Variants in TTC39B observed in about 807,000 individuals in gnomAD.
The protein encoded by TTC39B is tetratricopeptide repeat domain 39B.
Under a neutral mutation model 96.6 loss-of-function variants are expected in TTC39B, and 92 were observed. That is an observed-to-expected ratio of 0.95 (90% CI 0.80 to 1.13). The LOEUF is 1.13. Ranked by LOEUF, TTC39B falls within the 50% of genes most tolerant of loss-of-function variation. The probability of loss-of-function intolerance (pLI) is 0.00; values close to 1 mark genes in which losing one functional copy is unlikely to be tolerated. For missense variants in TTC39B, 955 were observed against 809.3 expected (o/e 1.18, Z -2.18); for synonymous variants, 367 against 299.4 (o/e 1.23, Z -2.33).
At chr9:15,280,616 T>C (rs963705495) in intron 1 of TTC39B, among the ~76,000 whole-genome samples, 5 of 152,186 alleles carry the variant, frequency 3.3e-5, no homozygotes, top group African/African-American at 1.2e-4. Context: ...GTGATGATGA[T>C]ACCCCGCTTT....
In TTC39B at chr9:15,306,971, G is replaced by C; in HGVS notation, c.240+113C>G. The C allele has an allele frequency of 6.7e-7, 1 of 1,482,704 alleles. No homozygotes were observed. Among genetic ancestry groups the C allele is most frequent in the African/African-American group, 1.4e-5 (1 of 70,396 alleles). The allele number at this position is 1,482,704 out of a possible 1,614,324, so 91.8% of individuals were successfully genotyped here. A position where few individuals can be genotyped will look rare whatever the true frequency, so the allele number is the denominator to read the frequency against. ...ACCCGGCGCCCGCCAGCCCACCCCA[G>C]AGAGGGGACCAAGGGGGCGGGGCCT... is the stretch of plus-strand genomic sequence containing the variant. On this transcript the variant is annotated intron_variant, in intron 1 of 19. Transcript: ENST00000512701. This position sits in a 1 kb window ranked among gnomAD's most constrained non-coding sequence, Gnocchi z 5.1.
intron 3 of TTC39B, among the ~76,000 whole-genome samples, chr9:15,221,138 T>C (rs912842822): frequency 2.6e-5 from 4 of 152,164 alleles, no homozygotes; most frequent in Non-Finnish European, 5.9e-5. Flanking sequence ...ACTCTGCAGA[T>C]ACCCCGTTTC....
At chr9:15,301,142 A>G (rs1027891362) in intron 1 of TTC39B, among the ~76,000 whole-genome samples, 5 of 152,158 alleles carry the variant, frequency 3.3e-5, no homozygotes, top group Admixed American at 3.3e-4. Flanking sequence ...ACCTAGTTCA[A>G]ATACCATCTC....
rs376568277 is a variant in TTC39B at position 15,189,832 on chromosome 9, A to T, written c.1106-40T>A. ...GGAAAAGACTCAGTCTTCATAAGAC[A>T]TGGGGATATTTATAACCAGCTCTCC... is the stretch of plus-strand genomic sequence containing the variant. On this transcript the variant is annotated intron_variant, in intron 11 of 19. Coordinates refer to ENST00000512701, the Ensembl canonical transcript of TTC39B. 2.3e-5 allele frequency: 32 copies of T among 1,407,482 alleles called. No homozygotes were observed. The South Asian group carries it at 3.6e-4, about 16-fold the overall frequency. 87.2% of individuals were successfully genotyped at this position (1,407,482 alleles called of 1,614,324 possible). A position where few individuals can be genotyped will look rare whatever the true frequency, so the allele number is the denominator to read the frequency against.
At chr9:15,302,539 CAAAAAAA>C (rs145173046) in intron 1 of TTC39B, among the ~76,000 whole-genome samples, 1 of 46,760 alleles carries the variant, frequency 2.1e-5, no homozygotes, top group African/African-American at 9.8e-5. Context: ...GATTCCGTCT[CAAAAAAA>C]AAAAAAAAAA....
chr9:15,233,405 A>G (rs1821548139), intron 2 of TTC39B, among the ~76,000 whole-genome samples: 1 of 151,952 alleles, frequency 6.6e-6, no homozygotes, highest in South Asian at 2.1e-4. Context: ...TCTGATGCCG[A>G]GCCGAAGCTG....
At chr9:15,282,869 G>T (rs980477349) in intron 1 of TTC39B, among the ~76,000 whole-genome samples, 1 of 152,172 alleles carries the variant, frequency 6.6e-6, no homozygotes, top group African/African-American at 2.4e-5. Flanking sequence ...TCTCATTAAA[G>T]CTTTTAAAAT....
intron 1 of TTC39B, among the ~76,000 whole-genome samples, chr9:15,299,118 T>C (rs980151034): frequency 6.6e-6 from 1 of 152,102 alleles, no homozygotes; most frequent in Non-Finnish European, 1.5e-5. Context: ...CACTAGACCA[T>C]AACCTGAGGC....
intron 1 of TTC39B, among the ~76,000 whole-genome samples, chr9:15,300,690 A>G (rs1824551676): frequency 6.6e-6 from 1 of 152,160 alleles, no homozygotes; most frequent in Non-Finnish European, 1.5e-5. Flanking sequence ...GTTCGAAAGC[A>G]GCCTGGCCAA....
intron 2 of TTC39B, chr9:15,250,016 A>G (rs918760146): frequency 1.2e-5 from 15 of 1,288,418 alleles, no homozygotes; most frequent in African/African-American, 3.0e-5. Flanking sequence ...GCCAACTAAA[A>G]GAAGAGACAA....
chr9:15,272,401 C>G (rs868833844), intron 1 of TTC39B, among the ~76,000 whole-genome samples: 1 of 152,318 alleles, frequency 6.6e-6, no homozygotes, highest in Middle Eastern at 3.4e-3. Flanking sequence ...CACGCACACT[C>G]AGAGGAGCAT....
chr9:15,247,315 G>A (rs1009754627), intron 2 of TTC39B, among the ~76,000 whole-genome samples: 4 of 152,174 alleles, frequency 2.6e-5, no homozygotes, highest in Admixed American at 6.5e-5. Context: ...GTTCATCTTC[G>A]ATAAGGAAGA....
chr9:15,208,305 G>A (rs1050382745), intron 6 of TTC39B, among the ~76,000 whole-genome samples: 1 of 151,902 alleles, frequency 6.6e-6, no homozygotes, highest in Non-Finnish European at 1.5e-5. Context: ...TTACAGGTGT[G>A]AGCCACCACA....
chr9:15,184,020 A>C (rs1223862511), intron 16 of TTC39B, among the ~76,000 whole-genome samples: 1 of 152,182 alleles, frequency 6.6e-6, no homozygotes, highest in Non-Finnish European at 1.5e-5. Context: ...TTCTCATAGA[A>C]TGTATAAAAG....
intron 2 of TTC39B, among the ~76,000 whole-genome samples, chr9:15,260,275 G>T (rs1586971926): frequency 8.1e-6 from 1 of 123,810 alleles, no homozygotes. Flanking sequence ...ATTCCTCATT[G>T]TGTTTTTTTT....
At chr9:15,225,164 C>A (rs904231241) in intron 3 of TTC39B, among the ~76,000 whole-genome samples, 1 of 151,782 alleles carries the variant, frequency 6.6e-6, no homozygotes. Flanking sequence ...AAGTATGATA[C>A]CACAGAAAAA....
In TTC39B at chr9:15,171,968, A is replaced by G. The variant is rs1267255103; in HGVS notation, c.*51T>C. ...TCCACTTTAATATAAGGTTGAATCTATAGCAGATGCCGATGCTAATTGAGG... is the reference window on the plus strand; with the variant it reads ...TCCACTTTAATATAAGGTTGAATCTGTAGCAGATGCCGATGCTAATTGAGG... On this transcript the variant is annotated 3_prime_UTR_variant, in exon 20 of 20. Transcript: ENST00000512701. 2.9e-6 allele frequency: 4 copies of G among 1,373,438 alleles called. No homozygotes were observed. In the South Asian group the frequency reaches 3.6e-5, roughly 12 times the overall value. The allele number at this position is 1,373,438 out of a possible 1,614,324, so 85.1% of individuals were successfully genotyped here. A position where few individuals can be genotyped will look rare whatever the true frequency, so the allele number is the denominator to read the frequency against.
chr9:15,218,632 T>TAAAAAAAAAAAAAATATATATATATATA (rs545882970), intron 3 of TTC39B, among the ~76,000 whole-genome samples: 23 of 105,136 alleles, frequency 2.2e-4, no homozygotes, highest in African/African-American at 7.5e-4. Context: ...TTAGTCTATT[T>TAAAAAAAAAAAAAATATATATATATATA]TAAATATATA....
intron 2 of TTC39B, among the ~76,000 whole-genome samples, chr9:15,235,048 A>G (rs909415606): frequency 1.2e-4 from 18 of 151,172 alleles, no homozygotes; most frequent in African/African-American, 4.4e-4. Context: ...TAAATAAAAC[A>G]AAAACAAAAC....
Sources: gnomAD v4.1 joint callset for allele counts (sites outside exome capture counted in the v4.1 genomes callset) on GRCh38, gnomAD v4.1.1 for gene constraint, Gnocchi (gnomAD v3.1) non-coding constraint, MANE v1.5 for transcripts, NCBI Gene and HGNC (gene_info 2026-07-23, HGNC 2026-07-21) for gene names.